The following DMD variants were observed in gnomAD, a reference collection of about 807,000 sequenced individuals.
DMD encodes the protein mutant dystrophin.
Under a neutral mutation model 330.1 loss-of-function variants are expected in DMD, and 63 were observed. That is an observed-to-expected ratio of 0.19 (90% CI 0.16 to 0.24). The LOEUF (loss-of-function observed/expected upper bound fraction) is 0.24. Among genes scored for constraint, DMD ranks in the 10% least tolerant of loss-of-function variants. The probability of loss-of-function intolerance (pLI) is 1.00; values close to 1 mark genes in which losing one functional copy is unlikely to be tolerated. For missense variants in DMD, 3,344 were observed against 2,684.1 expected (o/e 1.25, Z -5.43); for synonymous variants, 1,223 against 959.8 (o/e 1.27, Z -5.07).
At chrX:31,439,155 T>C (rs951378187) in intron 60 of DMD, among the ~76,000 whole-genome samples, 2 of 111,803 alleles carry the variant, frequency 1.8e-5, no homozygotes, top group African/African-American at 6.5e-5. Flanking sequence ...TATGATAGTA[T>C]GTAAGTATGT....
intron 60 of DMD, among the ~76,000 whole-genome samples, chrX:31,379,495 G>A (rs928458039): frequency 1.8e-5 from 2 of 111,375 alleles, no homozygotes; most frequent in South Asian, 3.8e-4. Flanking sequence ...TCAAAAGGCC[G>A]TCTTATTCTC....
At chrX:32,265,836 T>C (rs946365413) in intron 43 of DMD, among the ~76,000 whole-genome samples, 7 of 112,391 alleles carry the variant, frequency 6.2e-5, no homozygotes, top group Non-Finnish European at 1.1e-4. Context: ...GTACCTCCAT[T>C]GTACCTAGAA....
intron 1 of DMD, among the ~76,000 whole-genome samples, chrX:33,319,156 T>C (rs953397969): frequency 2.7e-5 from 3 of 110,811 alleles, no homozygotes; most frequent in Non-Finnish European, 5.7e-5. Context: ...TTCATCTTGA[T>C]CTTGGACTTC....
chrX:32,246,381 A>G (rs2097237622), intron 43 of DMD, among the ~76,000 whole-genome samples: 1 of 96,371 alleles, frequency 1.0e-5, no homozygotes, highest in Admixed American at 1.2e-4. Context: ...TTTATTGAGG[A>G]TTTTTGCATC....
intron 62 of DMD, among the ~76,000 whole-genome samples, chrX:31,298,170 T>G (rs1451420380): frequency 9.0e-6 from 1 of 111,602 alleles, no homozygotes; most frequent in African/African-American, 3.3e-5. Context: ...CATACCTGTC[T>G]ATATCCAAGC....
chrX:31,311,025 A>G (rs1397776349), intron 62 of DMD, among the ~76,000 whole-genome samples: 12 of 112,062 alleles, frequency 1.1e-4, no homozygotes, highest in Non-Finnish European at 2.3e-4. Flanking sequence ...TAAAGACTAA[A>G]GAATATCACT....
rs141220501 is a variant in DMD at position 31,674,831 on chromosome X, G to A, written c.7872+4544C>T. Among the ~76,000 whole-genome samples the A allele has an allele frequency of 4.2e-3, 469 of 112,529 alleles. 5 individuals carry two copies. The highest frequency in any genetic ancestry group is 0.014 in the African/African-American group (427 of 31,059). On this transcript the variant is annotated intron_variant, in intron 53 of 78. Coordinates refer to ENST00000357033, the MANE Select transcript of DMD (RefSeq NM_004006.3). Reference sequence around the variant, plus strand: ...AGGTTATGAACTCAACCAAGAATCCGCCAAATGAAATAAATCCTATGATGA... The same window carrying A: ...AGGTTATGAACTCAACCAAGAATCCACCAAATGAAATAAATCCTATGATGA...
chrX:31,468,059 C>A (rs189760124), intron 59 of DMD, among the ~76,000 whole-genome samples: 99 of 111,362 alleles, frequency 8.9e-4, no homozygotes, highest in African/African-American at 3.1e-3. Context: ...TCTCTCTTTT[C>A]TTCTTTATTA....
At chrX:33,152,614 AT>A (rs1255030316) in intron 1 of DMD, among the ~76,000 whole-genome samples, 1 of 109,540 alleles carries the variant, frequency 9.1e-6, no homozygotes, top group African/African-American at 3.3e-5. Flanking sequence ...CCCTCTGGAG[AT>A]TTTTACATGT....
At chrX:33,242,058 G>C (rs775063641) in intron 1 of DMD, among the ~76,000 whole-genome samples, 7 of 111,947 alleles carry the variant, frequency 6.3e-5, no homozygotes, top group Middle Eastern at 4.6e-3. Context: ...CACCGTGCCC[G>C]GCCAGTTCCT....
intron 2 of DMD, among the ~76,000 whole-genome samples, chrX:32,936,746 A>G (rs1642889066): frequency 9.0e-6 from 1 of 111,538 alleles, no homozygotes; most frequent in Non-Finnish European, 1.9e-5. Context: ...TGCCATAATA[A>G]TCTTTATGAC....
rs1330698564 is a variant in DMD, at chrX:32,454,907, T to C, written c.3433-75A>G. ...TTATTATTATATTATTTCATCAGTATGTAAATAACAGAAAGCTTAGATAGT... is the reference window on the plus strand; with the variant it reads ...TTATTATTATATTATTTCATCAGTACGTAAATAACAGAAAGCTTAGATAGT... On this transcript the variant is annotated intron_variant, in intron 25 of 78. Coordinates refer to ENST00000357033, the MANE Select transcript of DMD (RefSeq NM_004006.3). 7 of 1,104,680 alleles carry C rather than the reference T, an allele frequency of 6.3e-6. No homozygotes were observed. In the African/African-American group the frequency reaches 1.1e-4, roughly 17 times the overall value. 91.0% of individuals were successfully genotyped at this position (1,104,680 alleles called of 1,213,427 possible).
Position 32,707,939 on chromosome X carries a change from C to G in DMD, c.650-8646G>C, listed in dbSNP as rs902192015. Among the ~76,000 whole-genome samples, 4 of 111,932 alleles carry G rather than the reference C, an allele frequency of 3.6e-5. No homozygotes were observed. The Admixed American group carries it at 3.8e-4, about 11-fold the overall frequency. ...TTAACTCTGCTTAAGTGATTGTCAC[C>G]TGCGGTTTTCGTGCTTTGCTTTTGA... On this transcript the variant is annotated intron_variant, in intron 7 of 78. Coordinates refer to ENST00000357033, the MANE Select transcript of DMD (RefSeq NM_004006.3).
intron 51 of DMD, among the ~76,000 whole-genome samples, chrX:31,744,079 A>C (rs1469771390): frequency 9.0e-6 from 1 of 110,892 alleles, no homozygotes; most frequent in Non-Finnish European, 1.9e-5. Flanking sequence ...TGTTTCCCAG[A>C]CTGGTCTCAA....
At chrX:31,209,722 C>T in intron 64 of DMD, 23 bp from the exon 65 acceptor site, 5 of 1,187,437 alleles carry the variant, frequency 4.2e-6, no homozygotes, top group African/African-American at 1.7e-5. Flanking sequence ...AATAAAATCA[C>T]AAATGACTCA....
intron 7 of DMD, among the ~76,000 whole-genome samples, chrX:32,701,164 G>A (rs1276523426): frequency 8.9e-6 from 1 of 111,825 alleles, no homozygotes; most frequent in Non-Finnish European, 1.9e-5. Context: ...AGTCTCCCAA[G>A]TGATGCTGAA....
At chrX:32,420,102 A>T (rs772264348) in intron 29 of DMD, among the ~76,000 whole-genome samples, 1 of 111,941 alleles carries the variant, frequency 8.9e-6, no homozygotes, top group Non-Finnish European at 1.9e-5. Context: ...AAGCTTTCTC[A>T]AGGTACCTTC....
At chrX:32,699,366 T>A in intron 7 of DMD, 73 bp from the exon 8 acceptor site, 1 of 851,780 alleles carries the variant, frequency 1.2e-6, no homozygotes, top group Non-Finnish European at 1.8e-6. Context: ...AATGAACAAA[T>A]CAAAGTTAAA....
At chrX:32,544,245 C>T (rs937418256) in intron 17 of DMD, among the ~76,000 whole-genome samples, 15 of 111,175 alleles carry the variant, frequency 1.3e-4, no homozygotes, top group African/African-American at 4.9e-4. Flanking sequence ...TACTAAACAT[C>T]CCAAATAATA....
Sources: allele counts gnomAD v4.1 joint callset (sites outside exome capture counted in the v4.1 genomes callset), GRCh38; gene constraint gnomAD v4.1.1; transcripts MANE v1.5; gene names NCBI Gene and HGNC (gene_info 2026-07-23, HGNC 2026-07-21).